The following GRM7 variants were observed in gnomAD, a reference collection of about 807,000 sequenced individuals.
The protein encoded by GRM7 is glutamate metabotropic receptor 7.
GRM7 carries 35 observed loss-of-function variants against 84.5 expected under a neutral mutation model. The observed-to-expected ratio is 0.41, with a 90% CI of 0.32 to 0.55. GRM7 has a LOEUF of 0.55. GRM7 is among the 20% of genes least tolerant of loss of function. GRM7 has a pLI of 0.19. For synonymous variants in GRM7, 487 were observed against 455.1 expected, an observed-to-expected ratio of 1.07 and a Z score of -0.89; for missense variants, 1,003 against 1,194.6, an observed-to-expected ratio of 0.84 and a Z score of 2.36.
At chr3:7,457,176 G>A (rs929212895) in intron 6 of GRM7, among the ~76,000 whole-genome samples, 1 of 152,136 alleles carries the variant, frequency 6.6e-6, no homozygotes, top group Non-Finnish European at 1.5e-5. Context: ...TTGCTGTATA[G>A]GTAGGAGTTC....
At chr3:7,432,450 A>G (rs573684771) in intron 5 of GRM7, among the ~76,000 whole-genome samples, 1 of 152,236 alleles carries the variant, frequency 6.6e-6, no homozygotes, top group South Asian at 2.1e-4. Context: ...CCTCCCGAGT[A>G]GCTGGGACTA....
chr3:7,015,087 C>T (rs1695514577), intron 1 of GRM7, among the ~76,000 whole-genome samples: 1 of 152,108 alleles, frequency 6.6e-6, no homozygotes, highest in African/African-American at 2.4e-5. Flanking sequence ...GACCCATCAG[C>T]AGGGTGTGGG....
rs571190785 is a variant in GRM7, at chr3:7,607,427, G to C, written c.2451+28070G>C. 2.0e-5 allele frequency: 3 copies of C among 152,182 alleles called. No individual in the cohort carries two copies. In the East Asian group the frequency reaches 5.8e-4, roughly 29 times the overall value. The allele number at this position is 152,182 out of a possible 1,614,324, so 9.4% of individuals were successfully genotyped here. Reference sequence around the variant, plus strand: ...TAAGGTATGTGAAAAGTAAAAAGTAGTTAAAGAGTATAAAGAAAACCAAAA... The same window carrying C: ...TAAGGTATGTGAAAAGTAAAAAGTACTTAAAGAGTATAAAGAAAACCAAAA... On this transcript the variant is annotated intron_variant, in intron 8 of 9. Transcript: ENST00000357716.
At position 7,099,251 on chromosome 3, in the gene GRM7, CATGTATTATACATGTATATATGAAT is replaced by C. The variant is rs1274116477; in HGVS notation, c.520-47199_520-47175del. Among the ~76,000 whole-genome samples the C allele has an allele frequency of 2.7e-3, 367 of 134,092 alleles. 15 individuals are homozygous for C. The highest frequency in any genetic ancestry group is 8.1e-3 in the African/African-American group (239 of 29,520). 88.0% of individuals were successfully genotyped at this position (134,092 alleles called of 152,430 possible). A position where few individuals can be genotyped will look rare whatever the true frequency, so the allele number is the denominator to read the frequency against. On this transcript the variant is annotated intron_variant, in intron 1 of 9. Transcript: ENST00000357716. ...TGTATTATACATGTATATATGAATA[CATGTATTATACATGTATATATGAAT>C]ACATGTATTATACATGTATATATGT... is the stretch of plus-strand genomic sequence containing the variant.
chr3:7,403,421 A>G (rs1042190229), intron 4 of GRM7, among the ~76,000 whole-genome samples: 1 of 151,368 alleles, frequency 6.6e-6, no homozygotes. Context: ...CCCTACATTC[A>G]TTAGGATGAC....
chr3:7,276,593 A>T (rs1393805404), intron 2 of GRM7, among the ~76,000 whole-genome samples: 1 of 151,786 alleles, frequency 6.6e-6, no homozygotes, highest in Non-Finnish European at 1.5e-5. Flanking sequence ...AAACTAAGGG[A>T]TATACTTTTA....
intron 1 of GRM7, chr3:6,956,465 T>A (rs1693053337): frequency 2.3e-6 from 1 of 440,200 alleles, no homozygotes; most frequent in Non-Finnish European, 4.5e-6. Context: ...GCCGGCACCA[T>A]GTTTTTCATT....
At chr3:7,439,420 C>T (rs1697194457) in intron 5 of GRM7, among the ~76,000 whole-genome samples, 1 of 152,120 alleles carries the variant, frequency 6.6e-6, no homozygotes, top group Non-Finnish European at 1.5e-5. Flanking sequence ...GCTCAAGGAA[C>T]CAGAGCCAGA....
Position 7,461,580 on chromosome 3 carries a change from T to C in GRM7, c.1376-3T>C. ...AATCTTTCATTTTTTCTGTCTTCCT[T>C]AGGTAGTGCTGGCACTCCAGTGATG... On this transcript the variant is annotated splice_polypyrimidine_tract_variant and splice_region_variant and intron_variant, in intron 6 of 9. Coordinates refer to ENST00000357716, the MANE Select transcript of GRM7 (RefSeq NM_000844.4). 1 of 1,610,362 alleles carries C rather than the reference T, an allele frequency of 6.2e-7. No homozygotes were observed. The highest frequency in any genetic ancestry group is 8.5e-7 in the Non-Finnish European group (1 of 1,176,668).
At chr3:7,629,373 T>G (rs770989827) in intron 8 of GRM7, among the ~76,000 whole-genome samples, 30 of 152,190 alleles carry the variant, frequency 2.0e-4, no homozygotes, top group Admixed American at 4.6e-4. Context: ...AAAATGAGGA[T>G]GCCAGCAGGG....
intron 1 of GRM7, among the ~76,000 whole-genome samples, chr3:7,040,358 A>G (rs974445784): frequency 7.3e-5 from 11 of 151,604 alleles, no homozygotes; most frequent in Non-Finnish European, 1.3e-4. Context: ...GCTGGGGTGC[A>G]GTGGCACGAT....
chr3:6,881,921 TTGTG>T (rs3060190), intron 1 of GRM7, among the ~76,000 whole-genome samples: 122 of 144,690 alleles, frequency 8.4e-4, no homozygotes, highest in Non-Finnish European at 1.3e-3. Flanking sequence ...GGCAATTGAA[TTGTG>T]TGTGTGTGTG....
At chr3:7,645,062 C>T (rs1384612519) in intron 8 of GRM7, among the ~76,000 whole-genome samples, 1 of 152,132 alleles carries the variant, frequency 6.6e-6, no homozygotes, top group South Asian at 2.1e-4. Flanking sequence ...CTAGGTTTCA[C>T]ATCCCTACCC....
chr3:7,075,521 TGTGTGTGTGTGTGTGTGTG>T (rs1698038915), intron 1 of GRM7, among the ~76,000 whole-genome samples: 1 of 150,976 alleles, frequency 6.6e-6, no homozygotes, highest in African/African-American at 2.4e-5. Context: ...TGTGTGTGTG[TGTGTGTGTGTGTGTGTGTG>T]TGTGTTTGGA....
intron 4 of GRM7, among the ~76,000 whole-genome samples, chr3:7,325,804 T>C (rs560619744): frequency 2.0e-5 from 3 of 152,296 alleles, no homozygotes; most frequent in South Asian, 4.1e-4. Flanking sequence ...TTCTTCCAAT[T>C]GATGTACCAA....
intron 2 of GRM7, among the ~76,000 whole-genome samples, chr3:7,161,195 G>T (rs559572115): frequency 2.2e-4 from 33 of 151,502 alleles, no homozygotes; most frequent in African/African-American, 7.8e-4. Context: ...CACTTTTCAC[G>T]ATCTGAAGGC....
At chr3:7,709,398 T>TG (rs1237555752) in intron 9 of GRM7, among the ~76,000 whole-genome samples, 1 of 152,208 alleles carries the variant, frequency 6.6e-6, no homozygotes, top group Non-Finnish European at 1.5e-5. Flanking sequence ...CAGCATCTTC[T>TG]GGTTTGTGAA....
chr3:7,623,941 A>G (rs62235223), intron 8 of GRM7, among the ~76,000 whole-genome samples: 20,389 of 152,136 alleles, frequency 0.13, 1,562 homozygotes, highest in Non-Finnish European at 0.17. Flanking sequence ...TCCAGTCAAG[A>G]ACCTGGCTAG....
chr3:6,895,566 A>G (rs1165229211), intron 1 of GRM7, among the ~76,000 whole-genome samples: 1 of 152,184 alleles, frequency 6.6e-6, no homozygotes, highest in Non-Finnish European at 1.5e-5. Context: ...CCAAGATCAC[A>G]CAGCTAGTAA....
Sources: allele counts gnomAD v4.1 joint callset (sites outside exome capture counted in the v4.1 genomes callset), GRCh38; gene constraint gnomAD v4.1.1; transcripts MANE v1.5; gene names NCBI Gene and HGNC (gene_info 2026-07-23, HGNC 2026-07-21).